KIF18A: variants seen among roughly 807,000 people sequenced by gnomAD.
KIF18A encodes the protein kinesin-like protein KIF18A.
A neutral mutation model predicts 103.3 loss-of-function variants in KIF18A; 67 were observed. That is an observed-to-expected ratio of 0.65 (90% CI 0.53 to 0.79). The LOEUF (loss-of-function observed/expected upper bound fraction) is 0.79, where lower values mean the gene tolerates loss of function less well. Ranked by LOEUF, KIF18A falls within the 30% of genes least tolerant of loss-of-function variation. KIF18A has a pLI of 0.00. For missense variants in KIF18A, 1,032 were observed against 1,062.5 expected, an observed-to-expected ratio of 0.97 and a Z score of 0.40; for synonymous variants, 367 against 355.5, an observed-to-expected ratio of 1.03 and a Z score of -0.36.
chr11:28,062,971 C>CA lies in KIF18A; in HGVS notation c.1591-456dup, dbSNP rs771876296. Among the ~76,000 whole-genome samples, 5 of 152,136 alleles carry CA rather than the reference C, an allele frequency of 3.3e-5. No individual in the cohort carries two copies. In the South Asian group the frequency reaches 8.3e-4, roughly 25 times the overall value. On this transcript the variant is annotated intron_variant, in intron 11 of 16. Coordinates refer to ENST00000263181, the MANE Select transcript of KIF18A (RefSeq NM_031217.4). ...CATTTATTTATAATTTCTCTGTTCACACCAGAACATATAGTTTACCACCAG... is the reference window on the plus strand; with the variant it reads ...CATTTATTTATAATTTCTCTGTTCACAACCAGAACATATAGTTTACCACCAG...
intron 3 of KIF18A, 28 bp from the exon 4 acceptor site, chr11:28,091,541 T>A (rs369922257): frequency 2.3e-6 from 3 of 1,277,074 alleles, no homozygotes; most frequent in Non-Finnish European, 3.4e-6. Flanking sequence ...TGCTTTAGCA[T>A]TGATGTAAAA....
At chr11:28,097,364 A>T in intron 2 of KIF18A, 1 of 384,224 alleles carries the variant, frequency 2.6e-6, no homozygotes, top group Non-Finnish European at 4.7e-6. Context: ...TTAATAACAT[A>T]GGCAACTGAA....
At chr11:28,040,633 A>G (rs1850547278) in intron 13 of KIF18A, among the ~76,000 whole-genome samples, 1 of 151,712 alleles carries the variant, frequency 6.6e-6, no homozygotes, top group Non-Finnish European at 1.5e-5. Flanking sequence ...AGGAAATTAA[A>G]AATGCATTGT....
chr11:28,091,758 A>G (rs1257786062), intron 3 of KIF18A, among the ~76,000 whole-genome samples: 1 of 152,218 alleles, frequency 6.6e-6, no homozygotes, highest in East Asian at 1.9e-4. Flanking sequence ...CCTCACTCAT[A>G]ATTCCTGCCT....
chr11:28,099,383 T>A (rs1396942547), intron 1 of KIF18A, among the ~76,000 whole-genome samples: 1 of 152,076 alleles, frequency 6.6e-6, no homozygotes, highest in Admixed American at 6.6e-5. Flanking sequence ...AAGTTTCAGT[T>A]ATACAAGAGG....
rs968102801 is a variant in KIF18A, at chr11:28,062,527, C to G, written c.1591-11G>C. 3.7e-6 allele frequency: 6 copies of G among 1,602,794 alleles called. No individual in the cohort carries two copies. In the East Asian group the frequency reaches 1.3e-4, roughly 36 times the overall value. On this transcript the variant is annotated splice_polypyrimidine_tract_variant and intron_variant, in intron 11 of 16. Transcript: ENST00000263181. ...ATCTTTCTTGAGTTCCTAGGGCAAA[C>G]AATACAAAATGTACTTCAGATCACT...
At chr11:28,029,172 C>T (rs1850362048) in intron 15 of KIF18A, among the ~76,000 whole-genome samples, 1 of 152,154 alleles carries the variant, frequency 6.6e-6, no homozygotes, top group Non-Finnish European at 1.5e-5. Context: ...CTCCCTAACT[C>T]ATTTTATGAG....
At chr11:28,025,690 T>C (rs879874878) in intron 15 of KIF18A, among the ~76,000 whole-genome samples, 2 of 152,006 alleles carry the variant, frequency 1.3e-5, no homozygotes, top group Non-Finnish European at 2.9e-5. Flanking sequence ...TTAACATTTA[T>C]GTTGTAGGTC....
chr11:28,107,807 C>G (rs181747733), intron 1 of KIF18A, among the ~76,000 whole-genome samples: 3 of 152,324 alleles, frequency 2.0e-5, no homozygotes, highest in Admixed American at 6.5e-5. Flanking sequence ...AAACTTAAGA[C>G]TTCCTCTCAG....
chr11:28,089,026 T>C (rs552264562), intron 5 of KIF18A, among the ~76,000 whole-genome samples: 1 of 152,274 alleles, frequency 6.6e-6, no homozygotes, highest in East Asian at 1.9e-4. Flanking sequence ...TCAGAGGTGA[T>C]GGTTAGAAAC....
At chr11:28,029,351 C>T (rs530601106) in intron 15 of KIF18A, among the ~76,000 whole-genome samples, 149 of 152,228 alleles carry the variant, frequency 9.8e-4, no homozygotes, top group African/African-American at 3.5e-3. Flanking sequence ...GGGCTTCATC[C>T]CTGGGATGCA....
chr11:28,028,506 A>T (rs528472735), intron 15 of KIF18A, among the ~76,000 whole-genome samples: 2 of 152,270 alleles, frequency 1.3e-5, no homozygotes, highest in South Asian at 2.1e-4. Context: ...ACATACCAGA[A>T]TCTCTGGGAC....
At chr11:28,063,823 G>A (rs1331354861) in intron 11 of KIF18A, among the ~76,000 whole-genome samples, 1 of 151,438 alleles carries the variant, frequency 6.6e-6, no homozygotes, top group Non-Finnish European at 1.5e-5. Context: ...TTTAGCGAGT[G>A]GAAACAATGC....
At chr11:28,057,618 G>A (rs561142908) in intron 13 of KIF18A, among the ~76,000 whole-genome samples, 1 of 151,856 alleles carries the variant, frequency 6.6e-6, no homozygotes, top group East Asian at 1.9e-4. Context: ...TACTCTCATG[G>A]GTACTAAGTA....
At chr11:28,105,818 C>T (rs893159577) in intron 1 of KIF18A, among the ~76,000 whole-genome samples, 4 of 152,154 alleles carry the variant, frequency 2.6e-5, no homozygotes, top group African/African-American at 4.8e-5. Context: ...TAATAATGAA[C>T]AACAATGCTT....
intron 13 of KIF18A, among the ~76,000 whole-genome samples, chr11:28,054,366 A>G (rs1850751615): frequency 6.6e-6 from 1 of 152,046 alleles, no homozygotes; most frequent in African/African-American, 2.4e-5. Context: ...ATGGGCCACA[A>G]TGCCTTGCCA....
At chr11:28,031,033 C>T (rs1476409033) in intron 15 of KIF18A, among the ~76,000 whole-genome samples, 13 of 151,494 alleles carry the variant, frequency 8.6e-5, no homozygotes, top group Non-Finnish European at 1.9e-4. Flanking sequence ...CAGGAAACAA[C>T]AGGTGCTGGA....
At chr11:28,040,263 T>C (rs1053576952) in intron 13 of KIF18A, among the ~76,000 whole-genome samples, 17 of 151,732 alleles carry the variant, frequency 1.1e-4, no homozygotes, top group African/African-American at 1.7e-4. Context: ...GAAAGTTCAA[T>C]AGGCTATAAG....
Position 28,090,744 on chromosome 11 carries a change from A to G in KIF18A, c.589-17T>C. The G allele has an allele frequency of 7.7e-7, 1 of 1,291,266 alleles. No individual in the cohort carries two copies. The highest frequency in any genetic ancestry group is 1.3e-5 in the South Asian group (1 of 79,990). 80.0% of individuals were successfully genotyped at this position (1,291,266 alleles called of 1,614,324 possible). ...GGATTTGGGCTGGAGAAGTTTAAGT[A>G]GAAGCAAAATTTAAAAATCAGCAAT... On this transcript the variant is annotated splice_polypyrimidine_tract_variant and intron_variant, in intron 4 of 16. Coordinates refer to ENST00000263181, the MANE Select transcript of KIF18A (RefSeq NM_031217.4).
Sources: gnomAD v4.1 joint callset for allele counts (sites outside exome capture counted in the v4.1 genomes callset) on GRCh38, gnomAD v4.1.1 for gene constraint, MANE v1.5 for transcripts, NCBI Gene and HGNC (gene_info 2026-07-23, HGNC 2026-07-21) for gene names.